Variants in TENM2 observed in about 807,000 individuals in gnomAD.
TENM2 encodes the protein teneurin transmembrane protein 2.
TENM2 carries 52 observed loss-of-function variants against 245.2 expected under a neutral mutation model. The ratio of observed to expected loss-of-function variants is 0.21; its 90% CI spans 0.17 to 0.27. The LOEUF is 0.27. Ranked by LOEUF, TENM2 falls within the 10% of genes least tolerant of loss-of-function variation. The pLI is 1.00. For missense variants in TENM2, 3,046 were observed against 3,666.8 expected (o/e 0.83, Z 4.37); for synonymous variants, 1,363 against 1,438.9 (o/e 0.95, Z 1.19).
At chr5:167,146,585 G>C in the TENM2 span, among the ~76,000 whole-genome samples, 221 of 152,212 alleles carry the variant, frequency 1.5e-3, 1 homozygote, top group African/African-American at 4.7e-3. Flanking sequence ...TGAGGGGAAC[G>C]ATCCAACTCA....
In TENM2 at chr5:168,124,847, C is replaced by T. The variant is rs1795726303; in HGVS notation, c.2009-3C>T. 2 of 1,605,040 alleles carry T rather than the reference C, an allele frequency of 1.2e-6. No homozygotes were observed. Among genetic ancestry groups the T allele is most frequent in the Non-Finnish European group, 1.7e-6 (2 of 1,175,686 alleles). On this transcript the variant is annotated splice_region_variant and splice_polypyrimidine_tract_variant and intron_variant, in intron 10 of 28. Coordinates refer to ENST00000518659, the Ensembl canonical transcript of TENM2. Reference sequence around the variant, plus strand: ...CTTTGGTTTTTGTTTTTGTTTTTTTCAGTTGATTGCTTGGATCCCACCTGC... The same window carrying T: ...CTTTGGTTTTTGTTTTTGTTTTTTTTAGTTGATTGCTTGGATCCCACCTGC...
At chr5:167,289,468 G>A (rs1754514763) in intron 1 of TENM2, among the ~76,000 whole-genome samples, 1 of 152,122 alleles carries the variant, frequency 6.6e-6, no homozygotes, top group Non-Finnish European at 1.5e-5. Flanking sequence ...GAAAAAATTG[G>A]GGGAAGATTG....
At chr5:168,001,002 A>C (rs1394176563) in intron 5 of TENM2, among the ~76,000 whole-genome samples, 1 of 150,882 alleles carries the variant, frequency 6.6e-6, no homozygotes, top group African/African-American at 2.5e-5. Flanking sequence ...GTATGCCCAA[A>C]ATAGTGACCT....
intron 1 of TENM2, among the ~76,000 whole-genome samples, chr5:167,286,072 G>T (rs181857747): frequency 3.6e-4 from 55 of 152,256 alleles, no homozygotes; most frequent in Non-Finnish European, 7.5e-4. Flanking sequence ...GTGTATATAT[G>T]TTATTAATTA....
intron 2 of TENM2, among the ~76,000 whole-genome samples, chr5:167,754,636 T>C (rs1762170510): frequency 6.7e-6 from 1 of 150,230 alleles, no homozygotes; most frequent in Non-Finnish European, 1.5e-5. Context: ...AAATTAAGTA[T>C]ACACAGTGAT....
chr5:168,183,483 A>G (rs1305485672), intron 13 of TENM2, among the ~76,000 whole-genome samples: 3 of 152,076 alleles, frequency 2.0e-5, no homozygotes, highest in Non-Finnish European at 2.9e-5. Context: ...AACCAATCCT[A>G]TGGTTCCCCC....
rs969515290 is a variant in TENM2 at position 167,910,821 on chromosome 5, C to A, written c.712+34626C>A. Among the ~76,000 whole-genome samples, 4 of 152,230 alleles carry A rather than the reference C, an allele frequency of 2.6e-5. No individual in the cohort carries two copies. The South Asian group carries it at 8.3e-4, about 32-fold the overall frequency. ...TTATATTTATAGAGGAATAATTTAT[C>A]CTAAGTTACATTAAAATAAGTAAAT... On this transcript the variant is annotated intron_variant, in intron 3 of 28. Transcript: ENST00000518659.
At chr5:167,778,755 G>A (rs558677743) in intron 2 of TENM2, among the ~76,000 whole-genome samples, 2 of 152,050 alleles carry the variant, frequency 1.3e-5, no homozygotes, top group Non-Finnish European at 2.9e-5. Context: ...CTACAAAATG[G>A]GATACTTAAT....
chr5:167,187,628 A>G, the TENM2 span, among the ~76,000 whole-genome samples: 1 of 152,086 alleles, frequency 6.6e-6, no homozygotes, highest in African/African-American at 2.4e-5. Flanking sequence ...ATGTGACTCT[A>G]CAGTCCCATC....
Position 168,125,065 on chromosome 5 carries a change from T to A in TENM2, c.2209+15T>A. Reference sequence around the variant, plus strand: ...CTGCTCTGTTGGTAAGCCACAAGGTTTTCTCCTTCCTCTCTCCAACACTCC... The same window carrying A: ...CTGCTCTGTTGGTAAGCCACAAGGTATTCTCCTTCCTCTCTCCAACACTCC... On this transcript the variant is annotated intron_variant, in intron 11 of 28. Transcript: ENST00000518659. 1 of 1,595,790 alleles carries A rather than the reference T, an allele frequency of 6.3e-7. No homozygotes were observed. Among genetic ancestry groups the A allele is most frequent in the Non-Finnish European group, 8.5e-7 (1 of 1,171,458 alleles).
the TENM2 span, among the ~76,000 whole-genome samples, chr5:167,206,761 C>CAAGA: frequency 6.6e-6 from 1 of 152,060 alleles, no homozygotes; most frequent in Non-Finnish European, 1.5e-5. Flanking sequence ...AAATAAATGT[C>CAAGA]TCCCATGTTT....
chr5:167,042,731 G>T, the TENM2 span, among the ~76,000 whole-genome samples: 8 of 152,136 alleles, frequency 5.3e-5, no homozygotes, highest in African/African-American at 1.4e-4. Flanking sequence ...TTTGGAAGAT[G>T]GCTGGAAGCA....
intron 3 of TENM2, among the ~76,000 whole-genome samples, chr5:167,921,480 A>C (rs769510044): frequency 4.9e-4 from 74 of 152,328 alleles, no homozygotes; most frequent in Middle Eastern, 6.8e-3. Context: ...GAATATCCAC[A>C]GAGAGGAGAA....
chr5:168,226,987 A>T (rs1359847422), intron 24 of TENM2, among the ~76,000 whole-genome samples: 1 of 151,986 alleles, frequency 6.6e-6, no homozygotes, highest in East Asian at 1.9e-4. Context: ...TGTTTCAATG[A>T]CTCTATTTCT....
At chr5:167,530,796 G>A (rs773264673) in intron 2 of TENM2, among the ~76,000 whole-genome samples, 1 of 152,190 alleles carries the variant, frequency 6.6e-6, no homozygotes, top group African/African-American at 2.4e-5. Flanking sequence ...GGACTTAGAT[G>A]TCTGTTTACT....
chr5:166,995,712 A>G, the TENM2 span, among the ~76,000 whole-genome samples: 1 of 142,842 alleles, frequency 7.0e-6, no homozygotes, highest in Non-Finnish European at 1.5e-5. Flanking sequence ...GCTACTCGGG[A>G]GGCTGAGGCA....
chr5:167,698,041 A>T (rs1757884446), intron 2 of TENM2, among the ~76,000 whole-genome samples: 1 of 152,176 alleles, frequency 6.6e-6, no homozygotes. Context: ...TTATTTTCCA[A>T]GAAAATAAAT....
chr5:167,385,856 A>ATGTATGTGTG (rs1319161569), intron 2 of TENM2, among the ~76,000 whole-genome samples: 4 of 139,058 alleles, frequency 2.9e-5, no homozygotes, highest in African/African-American at 1.1e-4. Context: ...TTATATATAT[A>ATGTATGTGTG]TGTGTGTGTG....
intron 27 of TENM2, among the ~76,000 whole-genome samples, chr5:168,252,988 A>G (rs929771053): frequency 1.3e-5 from 2 of 152,020 alleles, no homozygotes; most frequent in African/African-American, 4.8e-5. Context: ...TTTTTTTGAG[A>G]CAGAGTCTTG....
Sources: gnomAD v4.1 joint callset for allele counts (sites outside exome capture counted in the v4.1 genomes callset) on GRCh38, gnomAD v4.1.1 for gene constraint, MANE v1.5 for transcripts, NCBI Gene and HGNC (gene_info 2026-07-23, HGNC 2026-07-21) for gene names.